SIAE: variants seen among roughly 807,000 people sequenced by gnomAD.
SIAE encodes sialic acid acetylesterase, also known as sialate O-acetylesterase.
Under a neutral mutation model 52.6 loss-of-function variants are expected in SIAE, and 39 were observed. The observed-to-expected ratio is 0.74, with a 90% confidence interval of 0.57 to 0.97. SIAE has a LOEUF of 0.97. Ranked by LOEUF, SIAE falls within the 50% of genes least tolerant of loss-of-function variation. The pLI is 0.00. For missense variants in SIAE, 592 were observed against 662.1 expected (o/e 0.89, Z 1.16); for synonymous variants, 233 against 241.4 (o/e 0.97, Z 0.32).
At chr11:124,643,494 T>C (rs1043221017) in intron 7 of SIAE, among the ~76,000 whole-genome samples, 1 of 152,168 alleles carries the variant, frequency 6.6e-6, no homozygotes, top group African/African-American at 2.4e-5. Flanking sequence ...GGAGAGATGA[T>C]GGTGGCTTAG....
At position 124,647,404 on chromosome 11, in the gene SIAE, CT is replaced by C. The variant is rs1229124332; in HGVS notation, c.926del (p.Gln309ArgfsTer54). ...DWRETFHRGS[Q>X]GQTERFFPFG... ...ATGGGAAGAAACGCTCCGTCTGCCCCTGGGAACCACGGTGGAAGGTTTCACG... is the reference window on the plus strand; with the variant it reads ...ATGGGAAGAAACGCTCCGTCTGCCCCGGGAACCACGGTGGAAGGTTTCACG... On this transcript the variant is annotated frameshift_variant, in exon 7 of 10. Coordinates refer to ENST00000263593, the MANE Select transcript of SIAE (RefSeq NM_170601.5). LOFTEE classifies it high-confidence loss of function. The C allele has an allele frequency of 6.8e-6, 11 of 1,614,126 alleles. No homozygotes were observed. The Admixed American group carries it at 1.5e-4, about 22-fold the overall frequency.
At chr11:124,650,058 T>C (rs1445411974) in intron 4 of SIAE, among the ~76,000 whole-genome samples, 1 of 152,228 alleles carries the variant, frequency 6.6e-6, no homozygotes, top group African/African-American at 2.4e-5. Context: ...ACCTTAGTGA[T>C]AGTTTCCTTT....
intron 7 of SIAE, among the ~76,000 whole-genome samples, chr11:124,646,645 G>A (rs531384376): frequency 1.3e-5 from 2 of 152,306 alleles, no homozygotes; most frequent in East Asian, 3.9e-4. Flanking sequence ...ACAAATTCAT[G>A]AATTTCTTCA....
At chr11:124,664,833 C>G (rs188321782) in intron 2 of SIAE, among the ~76,000 whole-genome samples, 9 of 152,224 alleles carry the variant, frequency 5.9e-5, no homozygotes, top group African/African-American at 1.9e-4. Flanking sequence ...GTTCCCTTCC[C>G]GAGAAGAACA....
chr11:124,667,795 C>A (rs1002485325), intron 2 of SIAE, among the ~76,000 whole-genome samples: 1 of 152,112 alleles, frequency 6.6e-6, no homozygotes, highest in Admixed American at 6.6e-5. Flanking sequence ...TCCTCCACAC[C>A]GGCTTCTATA....
intron 5 of SIAE, among the ~76,000 whole-genome samples, chr11:124,648,379 A>T (rs1166189331): frequency 6.6e-6 from 1 of 152,188 alleles, no homozygotes; most frequent in Non-Finnish European, 1.5e-5. Context: ...AAATAAGTGT[A>T]TCGGTCAGCT....
intron 3 of SIAE, among the ~76,000 whole-genome samples, chr11:124,657,109 T>C (rs1943113604): frequency 6.6e-6 from 1 of 152,208 alleles, no homozygotes; most frequent in Non-Finnish European, 1.5e-5. Flanking sequence ...CAACCTGAAA[T>C]GCTCCCTTGG....
At chr11:124,672,243 G>C (rs1943373441) in intron 1 of SIAE, among the ~76,000 whole-genome samples, 1 of 152,142 alleles carries the variant, frequency 6.6e-6, no homozygotes, top group Non-Finnish European at 1.5e-5. Context: ...CTTCATTTGG[G>C]GCTGGAGTAG....
chr11:124,657,614 C>A (rs1230521766), intron 3 of SIAE, among the ~76,000 whole-genome samples: 4 of 152,198 alleles, frequency 2.6e-5, no homozygotes, highest in Admixed American at 6.5e-5. Context: ...GATACCAGCA[C>A]ACGGAAGTGG....
Position 124,670,311 on chromosome 11 carries a change from T to C in SIAE, c.68-790A>G, listed in dbSNP as rs1465813444. Reference sequence around the variant, plus strand: ...AGAAAGCACACTAGAAACTGGATTCTATTCTAGAGAGTCACTAACAAGACT... The same window carrying C: ...AGAAAGCACACTAGAAACTGGATTCCATTCTAGAGAGTCACTAACAAGACT... On this transcript the variant is annotated intron_variant, in intron 1 of 9. Transcript: ENST00000263593. This position sits in a 1 kb window ranked among gnomAD's most constrained non-coding sequence, Gnocchi z 4.5. Among the ~76,000 whole-genome samples, 1 of 152,246 alleles carries C rather than the reference T, an allele frequency of 6.6e-6. No individual in the cohort carries two copies. The highest frequency in any genetic ancestry group is 1.5e-5 in the Non-Finnish European group (1 of 68,042).
At chr11:124,644,353 GAA>G (rs370589585) in intron 7 of SIAE, among the ~76,000 whole-genome samples, 7 of 102,150 alleles carry the variant, frequency 6.9e-5, no homozygotes, top group South Asian at 3.8e-4. Context: ...TCTGTGGTGA[GAA>G]AAAAAAAAAA....
chr11:124,672,221 T>C (rs1455069950), intron 1 of SIAE, among the ~76,000 whole-genome samples: 3 of 152,210 alleles, frequency 2.0e-5, no homozygotes, highest in African/African-American at 7.2e-5. Flanking sequence ...TTTTTAGGTC[T>C]TCAGTTTTTT....
At chr11:124,660,115 C>G (rs1389580312) in intron 3 of SIAE, 1 of 178,838 alleles carries the variant, frequency 5.6e-6, no homozygotes, top group African/African-American at 2.4e-5. Flanking sequence ...CATGGCGAAA[C>G]CCCGTCTGTA....
intron 1 of SIAE, among the ~76,000 whole-genome samples, chr11:124,671,887 G>A (rs986497019): frequency 1.3e-5 from 2 of 151,716 alleles, no homozygotes; most frequent in South Asian, 2.1e-4. Flanking sequence ...TCAGCCTCCC[G>A]AGTAGCTGAG....
At chr11:124,664,388 C>T (rs1469991502) in intron 2 of SIAE, among the ~76,000 whole-genome samples, 2 of 152,040 alleles carry the variant, frequency 1.3e-5, no homozygotes, top group Non-Finnish European at 2.9e-5. Flanking sequence ...CGCACCACCA[C>T]GCTCAGCTAA....
intron 1 of SIAE, among the ~76,000 whole-genome samples, chr11:124,672,794 T>G (rs1943386165): frequency 6.6e-6 from 1 of 152,154 alleles, no homozygotes; most frequent in Non-Finnish European, 1.5e-5. Context: ...TTTCCGGCTC[T>G]CAGGTAGAGC....
intron 9 of SIAE, 44 bp downstream of exon 9, chr11:124,638,498 T>C: frequency 2.5e-6 from 4 of 1,601,732 alleles, no homozygotes; most frequent in South Asian, 1.1e-5. Context: ...AAATCTTGAC[T>C]CCACCACAAA....
intron 6 of SIAE, among the ~76,000 whole-genome samples, 159 bp from the exon 7 acceptor site, chr11:124,647,657 G>A (rs1942959708): frequency 1.3e-5 from 2 of 152,234 alleles, no homozygotes; most frequent in South Asian, 2.1e-4. Flanking sequence ...AATGTGGTAC[G>A]AACAGAGGCT....
intron 1 of SIAE, among the ~76,000 whole-genome samples, chr11:124,671,927 A>G (rs1008238819): frequency 2.1e-5 from 3 of 142,378 alleles, no homozygotes; most frequent in Non-Finnish European, 4.4e-5. Context: ...ACACCTGGCT[A>G]ATTCTTTTTT....
Sources: allele counts gnomAD v4.1 joint callset (sites outside exome capture counted in the v4.1 genomes callset), GRCh38; gene constraint gnomAD v4.1.1; non-coding constraint Gnocchi (gnomAD v3.1); transcripts MANE v1.5; gene names NCBI Gene and HGNC (gene_info 2026-07-23, HGNC 2026-07-21).